Variants in L3MBTL4 observed in about 807,000 individuals in gnomAD.
The protein encoded by L3MBTL4 is L3MBTL histone methyl-lysine binding protein 4.
Under a neutral mutation model 84.5 loss-of-function variants are expected in L3MBTL4, and 70 were observed. That is an observed-to-expected ratio of 0.83 (90% CI 0.68 to 1.01). The LOEUF (loss-of-function observed/expected upper bound fraction) is 1.01. Among genes scored for constraint, L3MBTL4 ranks in the 50% least tolerant of loss-of-function variants. The pLI is 0.00. For synonymous variants in L3MBTL4, 274 were observed against 259.8 expected (o/e 1.05, Z -0.52); for missense variants, 715 against 754.8 (o/e 0.95, Z 0.62).
chr18:6,334,031 G>T (rs1306578770), intron 1 of L3MBTL4, among the ~76,000 whole-genome samples: 1 of 152,216 alleles, frequency 6.6e-6, no homozygotes, highest in Admixed American at 6.5e-5. Context: ...AGCACATTCT[G>T]TACATTTTGA....
chr18:6,029,814 G>C, intron 16 of L3MBTL4: 1 of 985,338 alleles, frequency 1.0e-6, no homozygotes, highest in Non-Finnish European at 1.2e-6. Context: ...AAAAATGAAC[G>C]AGTAAGGGTA....
chr18:6,271,686 A>G (rs1244219694), intron 4 of L3MBTL4, among the ~76,000 whole-genome samples: 1 of 152,216 alleles, frequency 6.6e-6, no homozygotes, highest in Non-Finnish European at 1.5e-5. Flanking sequence ...GATGACACCG[A>G]GGAAGAAGAG....
At chr18:6,140,460 A>G (rs1432823737) in intron 13 of L3MBTL4, among the ~76,000 whole-genome samples, 1 of 152,174 alleles carries the variant, frequency 6.6e-6, no homozygotes, top group East Asian at 1.9e-4. Context: ...CATTGTGCAG[A>G]CGAGGTGTTA....
intron 16 of L3MBTL4, among the ~76,000 whole-genome samples, chr18:6,050,464 A>G (rs2145799355): frequency 6.6e-6 from 1 of 152,314 alleles, no homozygotes; most frequent in African/African-American, 2.4e-5. Flanking sequence ...TCACTGTGTA[A>G]TTTTTACAAT....
At chr18:6,211,928 C>T (rs969911708) in intron 12 of L3MBTL4, among the ~76,000 whole-genome samples, 18 of 152,116 alleles carry the variant, frequency 1.2e-4, no homozygotes, top group Non-Finnish European at 4.4e-5. Context: ...GGATTGCAGG[C>T]GTGAACCACT....
At chr18:6,101,932 C>G (rs1291962842) in intron 14 of L3MBTL4, among the ~76,000 whole-genome samples, 1 of 152,152 alleles carries the variant, frequency 6.6e-6, no homozygotes, top group African/African-American at 2.4e-5. Context: ...AAGACCCCTT[C>G]CATCTGACCC....
At chr18:6,182,414 TG>T (rs2044516626) in intron 12 of L3MBTL4, among the ~76,000 whole-genome samples, 2 of 152,330 alleles carry the variant, frequency 1.3e-5, no homozygotes, top group South Asian at 4.1e-4. Flanking sequence ...TTTGATTGTT[TG>T]CTTGTTGATG....
Position 5,969,410 on chromosome 18 carries a change from G to C in L3MBTL4, c.1597C>G (p.Arg533Gly), listed in dbSNP as rs750618760. ...VADIRASQVARWTVDEVAEFV... is the reference protein window; with the variant it reads ...VADIRASQVAGWTVDEVAEFV... ...CCACTCACCTCATCCACAGTCCAACGTGCCACTTGGCTGGCCCGGATGTCA... is the reference window on the plus strand; with the variant it reads ...CCACTCACCTCATCCACAGTCCAACCTGCCACTTGGCTGGCCCGGATGTCA... Residue 533 changes from arginine to glycine, a missense_variant, in exon 17 of 19, where the codon CGT becomes GGT. Physicochemically the swap from Arg to Gly is moderately radical, Grantham distance 125 (BLOSUM62 -2). Coordinates refer to ENST00000317931, the MANE Select transcript of L3MBTL4 (RefSeq NM_001330559.2). The C allele has an allele frequency of 4.3e-6, 7 of 1,613,922 alleles. No homozygotes were observed. The highest frequency in any genetic ancestry group is 5.9e-6 in the Non-Finnish European group (7 of 1,180,008).
chr18:6,133,096 C>T (rs1440857552), intron 14 of L3MBTL4, among the ~76,000 whole-genome samples: 1 of 152,158 alleles, frequency 6.6e-6, no homozygotes, highest in African/African-American at 2.4e-5. Flanking sequence ...TGGCCAGTCA[C>T]TTCACAGAAG....
chr18:6,280,949 G>A (rs1568429880), intron 4 of L3MBTL4, among the ~76,000 whole-genome samples: 1 of 152,150 alleles, frequency 6.6e-6, no homozygotes, highest in East Asian at 1.9e-4. Context: ...GGCCCACAGA[G>A]ACCCACATCA....
intron 4 of L3MBTL4, among the ~76,000 whole-genome samples, chr18:6,279,055 C>T (rs537344659): frequency 8.9e-4 from 135 of 152,106 alleles, no homozygotes; most frequent in African/African-American, 3.1e-3. Context: ...TGAAGGACAG[C>T]CAAGTGGAAT....
At chr18:6,325,726 T>A (rs1246251094) in intron 1 of L3MBTL4, among the ~76,000 whole-genome samples, 2 of 152,222 alleles carry the variant, frequency 1.3e-5, no homozygotes, top group Non-Finnish European at 2.9e-5. Flanking sequence ...ATACATTTAT[T>A]ATACTTCATG....
intron 16 of L3MBTL4, 92 bp downstream of exon 16, chr18:6,080,789 T>G: frequency 1.1e-6 from 1 of 914,744 alleles, no homozygotes. Context: ...TACCATTCCC[T>G]GTTGGAATGA....
intron 1 of L3MBTL4, among the ~76,000 whole-genome samples, chr18:6,348,790 T>G (rs1183306674): frequency 6.6e-6 from 1 of 152,210 alleles, no homozygotes; most frequent in Non-Finnish European, 1.5e-5. Context: ...TAGGAAAATG[T>G]ATCTGCAACA....
intron 13 of L3MBTL4, among the ~76,000 whole-genome samples, chr18:6,155,745 C>T (rs965018781): frequency 1.3e-5 from 2 of 152,036 alleles, no homozygotes; most frequent in African/African-American, 4.8e-5. Context: ...TGTCATTTAG[C>T]GCTCATTGAA....
intron 1 of L3MBTL4, among the ~76,000 whole-genome samples, chr18:6,390,998 T>G (rs1445671898): frequency 6.6e-6 from 1 of 152,014 alleles, no homozygotes; most frequent in Non-Finnish European, 1.5e-5. Context: ...AGTACCACCC[T>G]GATACCACAA....
chr18:6,121,372 T>C (rs1249448998), intron 14 of L3MBTL4, among the ~76,000 whole-genome samples: 1 of 152,160 alleles, frequency 6.6e-6, no homozygotes, highest in Non-Finnish European at 1.5e-5. Flanking sequence ...CACATAAAGA[T>C]AGGCAAATGA....
intron 16 of L3MBTL4, among the ~76,000 whole-genome samples, chr18:6,054,781 C>T (rs2056958353): frequency 6.6e-6 from 1 of 152,238 alleles, no homozygotes; most frequent in African/African-American, 2.4e-5. Context: ...AAGAATATGT[C>T]CTGGATGAAC....
intron 1 of L3MBTL4, among the ~76,000 whole-genome samples, chr18:6,390,592 A>T (rs989600534): frequency 6.6e-6 from 1 of 152,186 alleles, no homozygotes; most frequent in African/African-American, 2.4e-5. Context: ...TATATTAACC[A>T]AGAAAAGAAG....
Sources: allele counts gnomAD v4.1 joint callset (sites outside exome capture counted in the v4.1 genomes callset), GRCh38; gene constraint gnomAD v4.1.1; transcripts MANE v1.5; gene names NCBI Gene and HGNC (gene_info 2026-07-23, HGNC 2026-07-21).